RBMS3: variants seen among roughly 807,000 people sequenced by gnomAD.
RBMS3 encodes the protein RNA binding motif single stranded interacting protein 3.
In RBMS3, 27 loss-of-function variants were observed where a neutral mutation model predicts 66.8. The ratio of observed to expected loss-of-function variants is 0.40; its 90% CI spans 0.30 to 0.56. The LOEUF (loss-of-function observed/expected upper bound fraction) is 0.56. Among genes scored for constraint, RBMS3 ranks in the 20% least tolerant of loss-of-function variants. The probability of loss-of-function intolerance (pLI) is 0.40; values close to 1 mark genes in which losing one functional copy is unlikely to be tolerated. For missense variants in RBMS3, 513 were observed against 549.5 expected (o/e 0.93, Z 0.66); for synonymous variants, 188 against 183.0 (o/e 1.03, Z -0.22).
chr3:29,977,575 T>C (rs1029395759), intron 12 of RBMS3, among the ~76,000 whole-genome samples: 1 of 152,260 alleles, frequency 6.6e-6, no homozygotes, highest in South Asian at 2.1e-4. Context: ...TCTAGACTTT[T>C]TGGAACAAGG....
intron 4 of RBMS3, among the ~76,000 whole-genome samples, chr3:29,701,808 C>G (rs1030422986): frequency 6.6e-6 from 1 of 151,718 alleles, no homozygotes; most frequent in Non-Finnish European, 1.5e-5. Flanking sequence ...TGTCTCCCAG[C>G]GGGGCAGGGC....
chr3:29,693,073 A>G lies in RBMS3; in HGVS notation c.400-46647A>G, dbSNP rs9866475. Among the ~76,000 whole-genome samples, 212 of 152,222 alleles carry G rather than the reference A, an allele frequency of 1.4e-3. 1 individual carries two copies. The highest frequency in any genetic ancestry group is 4.9e-3 in the African/African-American group (204 of 41,544). On this transcript the variant is annotated intron_variant, in intron 4 of 14. Transcript: ENST00000383767. ...TTAATGGCTAAGACACTTCTGCATA[A>G]TTTACATTGAGACTAAAGTGGTTTT...
At chr3:29,631,200 A>C (rs1387381512) in intron 4 of RBMS3, among the ~76,000 whole-genome samples, 1 of 151,978 alleles carries the variant, frequency 6.6e-6, no homozygotes, top group Non-Finnish European at 1.5e-5. Context: ...AATAATGTGA[A>C]TATATGAGCA....
At chr3:29,809,801 G>A (rs890658593) in intron 6 of RBMS3, among the ~76,000 whole-genome samples, 11 of 151,928 alleles carry the variant, frequency 7.2e-5, no homozygotes, top group South Asian at 2.1e-4. Flanking sequence ...AGTTTAGGCC[G>A]AAATGCTTTC....
intron 7 of RBMS3, among the ~76,000 whole-genome samples, chr3:29,872,618 T>G (rs2059519033): frequency 6.6e-6 from 1 of 152,190 alleles, no homozygotes; most frequent in African/African-American, 2.4e-5. Context: ...TGCAACTTGT[T>G]GGTATATTAA....
intron 12 of RBMS3, among the ~76,000 whole-genome samples, chr3:29,980,371 A>G (rs1385311109): frequency 6.6e-6 from 1 of 152,154 alleles, no homozygotes; most frequent in Non-Finnish European, 1.5e-5. Flanking sequence ...ATTTGCTCGC[A>G]TTCTGTAGGT....
intron 10 of RBMS3, among the ~76,000 whole-genome samples, chr3:29,908,498 C>T (rs2060439032): frequency 6.6e-6 from 1 of 152,026 alleles, no homozygotes; most frequent in Non-Finnish European, 1.5e-5. Flanking sequence ...TTGCCAACTG[C>T]CTAATAAGGA....
At chr3:29,696,045 C>A (rs551323867) in intron 4 of RBMS3, among the ~76,000 whole-genome samples, 1 of 152,230 alleles carries the variant, frequency 6.6e-6, no homozygotes, top group South Asian at 2.1e-4. Context: ...AGTAAAGATC[C>A]CCTAGGCATT....
intron 4 of RBMS3, among the ~76,000 whole-genome samples, chr3:29,596,205 T>G (rs2047937265): frequency 6.6e-6 from 1 of 152,220 alleles, no homozygotes; most frequent in Admixed American, 6.5e-5. Context: ...GCATTTTATT[T>G]TTATACTGTA....
At chr3:29,691,941 C>CTCTCTCTCTT (rs2052029701) in intron 4 of RBMS3, among the ~76,000 whole-genome samples, 1 of 62,740 alleles carries the variant, frequency 1.6e-5, no homozygotes, top group Non-Finnish European at 3.5e-5. Context: ...TTCTCTCTCT[C>CTCTCTCTCTT]TCTCTCTATT....
At chr3:29,514,314 C>A (rs2044526746) in intron 3 of RBMS3, among the ~76,000 whole-genome samples, 1 of 152,024 alleles carries the variant, frequency 6.6e-6, no homozygotes, top group South Asian at 2.1e-4. Context: ...TGTTTGGCAA[C>A]CTAAAGCTAC....
intron 1 of RBMS3, among the ~76,000 whole-genome samples, chr3:29,411,392 A>T (rs1296053401): frequency 6.6e-6 from 1 of 152,246 alleles, no homozygotes; most frequent in Non-Finnish European, 1.5e-5. Context: ...CAAACAATGT[A>T]TAAAGACATC....
chr3:29,382,887 TGG>T (rs1439745919), intron 1 of RBMS3, among the ~76,000 whole-genome samples: 2 of 152,174 alleles, frequency 1.3e-5, no homozygotes, highest in Admixed American at 6.5e-5. Context: ...TAACAACATC[TGG>T]GTTGATTAAT....
At chr3:29,788,746 G>T (rs900829879) in intron 6 of RBMS3, among the ~76,000 whole-genome samples, 27 of 152,016 alleles carry the variant, frequency 1.8e-4, no homozygotes, top group African/African-American at 6.3e-4. Flanking sequence ...TTATCTACAA[G>T]AAAATATATA....
chr3:29,568,306 C>A (rs1374433084), intron 3 of RBMS3, among the ~76,000 whole-genome samples: 1 of 152,082 alleles, frequency 6.6e-6, no homozygotes, highest in Non-Finnish European at 1.5e-5. Flanking sequence ...GAGAAAATAG[C>A]CCCAGTCCTG....
At chr3:29,390,945 G>T in intron 1 of RBMS3, 1 of 216,936 alleles carries the variant, frequency 4.6e-6, no homozygotes, top group South Asian at 5.9e-5. Context: ...GGCTACCATG[G>T]GGAATTTGTA....
At chr3:29,938,495 TAGAG>T (rs1371661402) in intron 11 of RBMS3, among the ~76,000 whole-genome samples, 1 of 151,998 alleles carries the variant, frequency 6.6e-6, no homozygotes, top group East Asian at 1.9e-4. Flanking sequence ...TTAGAAGAGG[TAGAG>T]AGAAAACAGA....
intron 1 of RBMS3, among the ~76,000 whole-genome samples, chr3:29,350,959 C>T (rs1004381667): frequency 4.0e-5 from 6 of 151,764 alleles, no homozygotes; most frequent in South Asian, 2.1e-4. Flanking sequence ...CCTTCCAAAT[C>T]TACCATTAAC....
In RBMS3 at chr3:29,823,681, T is replaced by G. The variant is rs1576915052; in HGVS notation, c.638-45177T>G. 1.3e-5 allele frequency among the ~76,000 whole-genome samples: 2 copies of G among 152,202 alleles called. 1 individual carries two copies. The highest frequency in any genetic ancestry group is 4.1e-4 in the South Asian group (2 of 4,830). ...ATAAACTTTTAATTTCAGCTAATTT[T>G]TATTAAGTAGTCATATATGGTTAGT... On this transcript the variant is annotated intron_variant, in intron 6 of 14. Coordinates refer to ENST00000383767, the MANE Select transcript of RBMS3 (RefSeq NM_001003793.3).
Sources: allele counts gnomAD v4.1 joint callset (sites outside exome capture counted in the v4.1 genomes callset), GRCh38; gene constraint gnomAD v4.1.1; transcripts MANE v1.5; gene names NCBI Gene and HGNC (gene_info 2026-07-23, HGNC 2026-07-21).